GRB10: variants seen among roughly 807,000 people sequenced by gnomAD.
GRB10 encodes the protein growth factor receptor bound protein 10, also known as growth factor receptor-bound protein 10.
Under a neutral mutation model 80.9 loss-of-function variants are expected in GRB10, and 20 were observed. That is an observed-to-expected ratio of 0.25 (90% CI 0.17 to 0.36). The LOEUF is 0.36. GRB10 is among the 10% of genes least tolerant of loss of function. GRB10 has a pLI of 1.00. For synonymous variants in GRB10, 291 were observed against 291.5 expected (o/e 1.00, Z 0.02); for missense variants, 548 against 747.7 (o/e 0.73, Z 3.12).
chr7:50,693,747 T>A (rs2063102558), intron 5 of GRB10, among the ~76,000 whole-genome samples: 1 of 151,982 alleles, frequency 6.6e-6, no homozygotes, highest in South Asian at 2.1e-4. Context: ...TTTGCAGGCA[T>A]GGGATTGGGG....
intron 4 of GRB10, chr7:50,710,950 G>T (rs778120063): frequency 1.4e-5 from 22 of 1,581,102 alleles, no homozygotes; most frequent in Non-Finnish European, 1.6e-5. Context: ...GTATCACGTG[G>T]CTGTGTCCTC....
intron 1 of GRB10, among the ~76,000 whole-genome samples, chr7:50,790,393 G>C (rs1381855486): frequency 6.6e-6 from 1 of 151,864 alleles, no homozygotes; most frequent in Non-Finnish European, 1.5e-5. Context: ...CAGGTTAAAA[G>C]AAAAGTCTCC....
intron 16 of GRB10, 39 bp from the exon 17 acceptor site, chr7:50,604,124 C>G (rs761677641): frequency 1.3e-6 from 2 of 1,541,424 alleles, no homozygotes; most frequent in South Asian, 2.2e-5. Context: ...GATGGTGGTG[C>G]CTCTGCAGAA....
intron 5 of GRB10, among the ~76,000 whole-genome samples, chr7:50,699,776 C>T (rs2063899633): frequency 6.6e-6 from 1 of 152,112 alleles, no homozygotes; most frequent in Non-Finnish European, 1.5e-5. Flanking sequence ...TTGGAGATCT[C>T]GTCCTCTGTG....
intron 7 of GRB10, among the ~76,000 whole-genome samples, chr7:50,641,904 C>G (rs1018002438): frequency 3.3e-5 from 5 of 152,122 alleles, no homozygotes; most frequent in Non-Finnish European, 5.9e-5. Context: ...GAGGCAAGGG[C>G]GTGGGAAGGC....
intron 2 of GRB10, chr7:50,779,524 A>G (rs2078066859): frequency 6.6e-6 from 1 of 152,184 alleles, no homozygotes; most frequent in Non-Finnish European, 1.5e-5. Context: ...CTTCCTACAC[A>G]GATTTCATTA....
intron 17 of GRB10, among the ~76,000 whole-genome samples, chr7:50,597,496 T>G (rs760944994): frequency 6.6e-6 from 1 of 152,252 alleles, no homozygotes; most frequent in African/African-American, 2.4e-5. Context: ...ACCCAGAAGT[T>G]TGCCGAGCTT....
At chr7:50,593,355 C>T (rs1388405855) in intron 18 of GRB10, among the ~76,000 whole-genome samples, 1 of 152,140 alleles carries the variant, frequency 6.6e-6, no homozygotes, top group East Asian at 1.9e-4. Flanking sequence ...CCCCTGCTCC[C>T]TAAGGTGGTC....
At chr7:50,763,341 G>C (rs1038889016) in intron 2 of GRB10, among the ~76,000 whole-genome samples, 1 of 152,182 alleles carries the variant, frequency 6.6e-6, no homozygotes, top group Non-Finnish European at 1.5e-5. Context: ...ATAATTGATA[G>C]CTGAAAATTA....
chr7:50,793,218 C>G lies in GRB10; in HGVS notation c.-294+6G>C, dbSNP rs2079011150. The G allele has an allele frequency of 5.5e-5, 8 of 146,492 alleles. No individual in the cohort carries two copies. In the South Asian group the frequency reaches 1.7e-3, roughly 31 times the overall value. The allele number at this position is 146,492 out of a possible 1,614,324, so 9.1% of individuals were successfully genotyped here. On this transcript the variant is annotated splice_donor_region_variant and intron_variant, in intron 1 of 16. Transcript: ENST00000335866. ...TTGCCGCCGCGCTCCCCGCCCAACT[C>G]CGTACCTGCCGCGCGCGGCTCCCCG...
chr7:50,761,604 G>A (rs887558282), intron 2 of GRB10: 1 of 152,228 alleles, frequency 6.6e-6, no homozygotes, highest in Non-Finnish European at 1.5e-5. Context: ...GGCAGTATCA[G>A]ATGTAACTGT....
chr7:50,605,709 A>C (rs2048406125), intron 14 of GRB10, among the ~76,000 whole-genome samples: 1 of 152,046 alleles, frequency 6.6e-6, no homozygotes, highest in African/African-American at 2.4e-5. Context: ...CCTGACCTGC[A>C]CTCCAACACA....
intron 2 of GRB10, among the ~76,000 whole-genome samples, chr7:50,760,656 TG>T (rs2075662442): frequency 6.6e-6 from 1 of 152,196 alleles, no homozygotes; most frequent in African/African-American, 2.4e-5. Flanking sequence ...AGTGTGTACT[TG>T]GCACAAAAAT....
chr7:50,723,201 A>G (rs1426384295), intron 4 of GRB10, among the ~76,000 whole-genome samples: 1 of 152,180 alleles, frequency 6.6e-6, no homozygotes, highest in Non-Finnish European at 1.5e-5. Flanking sequence ...CAGTGAAGCA[A>G]TGATGTCCTT....
intron 13 of GRB10, among the ~76,000 whole-genome samples, chr7:50,612,150 G>C (rs2049654581): frequency 6.6e-6 from 1 of 152,202 alleles, no homozygotes; most frequent in Non-Finnish European, 1.5e-5. Context: ...CTCTGCTGAG[G>C]AGCTTCAGTC....
At chr7:50,692,234 T>C (rs1209018313) in intron 5 of GRB10, among the ~76,000 whole-genome samples, 1 of 152,110 alleles carries the variant, frequency 6.6e-6, no homozygotes, top group Non-Finnish European at 1.5e-5. Flanking sequence ...GCCTTGAGCA[T>C]CCTTGGATTT....
At chr7:50,684,332 AT>A (rs11370738) in intron 5 of GRB10, among the ~76,000 whole-genome samples, 4 of 142,164 alleles carry the variant, frequency 2.8e-5, no homozygotes, top group African/African-American at 1.0e-4. Flanking sequence ...TTCCAGTGAG[AT>A]TTTTTTTTTA....
intron 15 of GRB10, chr7:50,604,934 A>T (rs2048268665): frequency 3.1e-6 from 1 of 318,972 alleles, no homozygotes; most frequent in Admixed American, 4.7e-5. Context: ...GCAGACCTTG[A>T]TGTGAGCACC....
intron 8 of GRB10, among the ~76,000 whole-genome samples, chr7:50,626,142 G>A (rs2052842250): frequency 6.6e-6 from 1 of 152,180 alleles, no homozygotes; most frequent in Admixed American, 6.5e-5. Flanking sequence ...TAAGCCACCT[G>A]AACAAAATAC....
Sources: gnomAD v4.1 joint callset for allele counts (sites outside exome capture counted in the v4.1 genomes callset) on GRCh38, gnomAD v4.1.1 for gene constraint, MANE v1.5 for transcripts, NCBI Gene and HGNC (gene_info 2026-07-23, HGNC 2026-07-21) for gene names.